The following ZNF618 variants were observed in gnomAD, a reference collection of about 807,000 sequenced individuals.
The protein encoded by ZNF618 is zinc finger protein 618.
Under a neutral mutation model 103.0 loss-of-function variants are expected in ZNF618, and 34 were observed. The observed-to-expected ratio is 0.33, with a 90% CI of 0.25 to 0.44. The LOEUF is 0.44. ZNF618 is among the 20% of genes least tolerant of loss of function. The probability of loss-of-function intolerance (pLI) is 1.00; values close to 1 mark genes in which losing one functional copy is unlikely to be tolerated. For synonymous variants in ZNF618, 551 were observed against 542.2 expected (o/e 1.02, Z -0.23); for missense variants, 1,059 against 1,295.4 (o/e 0.82, Z 2.80).
chr9:114,003,863 T>C (rs898545110), intron 6 of ZNF618, among the ~76,000 whole-genome samples: 1 of 152,176 alleles, frequency 6.6e-6, no homozygotes, highest in African/African-American at 2.4e-5. Context: ...TTTTAGACTT[T>C]ATAGCCCAGA....
chr9:113,940,540 A>G (rs928883130), intron 1 of ZNF618, among the ~76,000 whole-genome samples: 5 of 147,316 alleles, frequency 3.4e-5, no homozygotes, highest in South Asian at 4.3e-4. Context: ...GTTCATGACT[A>G]TATATCTTTT....
chr9:113,963,941 A>G (rs1474119544), intron 1 of ZNF618, among the ~76,000 whole-genome samples: 1 of 152,212 alleles, frequency 6.6e-6, no homozygotes, highest in Non-Finnish European at 1.5e-5. Flanking sequence ...GCGTGTCAGC[A>G]GTGTTGGGAA....
At chr9:113,913,103 G>A (rs1049388229) in intron 1 of ZNF618, among the ~76,000 whole-genome samples, 11 of 152,038 alleles carry the variant, frequency 7.2e-5, no homozygotes, top group Non-Finnish European at 1.2e-4. Flanking sequence ...GAGCAGAGTG[G>A]ATTTCACCAG....
chr9:113,987,553 C>T (rs1839601778), intron 2 of ZNF618, among the ~76,000 whole-genome samples: 1 of 152,218 alleles, frequency 6.6e-6, no homozygotes, highest in African/African-American at 2.4e-5. Flanking sequence ...CGGGGAAGAG[C>T]CTGGACAAGA....
intron 1 of ZNF618, among the ~76,000 whole-genome samples, chr9:113,911,668 A>G (rs1273481414): frequency 6.6e-6 from 1 of 151,900 alleles, no homozygotes; most frequent in African/African-American, 2.4e-5. Context: ...GATGGATACA[A>G]ATTCTCTCCT....
intron 2 of ZNF618, among the ~76,000 whole-genome samples, chr9:113,970,262 T>A (rs1837831262): frequency 6.6e-6 from 1 of 152,122 alleles, no homozygotes; most frequent in Non-Finnish European, 1.5e-5. Flanking sequence ...GAGCAAGTGT[T>A]CCTTGGAACA....
chr9:113,949,819 G>A (rs1215461855), intron 1 of ZNF618, among the ~76,000 whole-genome samples: 1 of 152,216 alleles, frequency 6.6e-6, no homozygotes, highest in African/African-American at 2.4e-5. Context: ...GATTAATTAG[G>A]TCAGCATCTC....
At chr9:113,903,272 C>T (rs573298759) in intron 1 of ZNF618, among the ~76,000 whole-genome samples, 1 of 152,204 alleles carries the variant, frequency 6.6e-6, no homozygotes, top group Non-Finnish European at 1.5e-5. Context: ...TGGAAAAGAC[C>T]CCTTGACATT....
rs2134731897 is a variant in ZNF618, at chr9:114,051,096, T to G, written c.*929T>G. On this transcript the variant is annotated 3_prime_UTR_variant, in exon 15 of 15. Coordinates refer to ENST00000374126, the MANE Select transcript of ZNF618 (RefSeq NM_001318042.2). ...TAGCAATTTTTACCTTGTTTGGGGGTTCATTTTGTTTCTTCAGATTTGATT... is the reference window on the plus strand; with the variant it reads ...TAGCAATTTTTACCTTGTTTGGGGGGTCATTTTGTTTCTTCAGATTTGATT... The G allele has an allele frequency of 6.5e-6, 1 of 152,696 alleles. No individual in the cohort carries two copies. Among genetic ancestry groups the G allele is most frequent in the Non-Finnish European group, 1.5e-5 (1 of 68,006 alleles). 9.5% of individuals were successfully genotyped at this position (152,696 alleles called of 1,614,324 possible).
intron 1 of ZNF618, among the ~76,000 whole-genome samples, chr9:113,883,509 G>A (rs1453193277): frequency 6.6e-6 from 1 of 152,134 alleles, no homozygotes; most frequent in Non-Finnish European, 1.5e-5. Context: ...GAATATCCAG[G>A]CACACGGGCT....
At chr9:113,991,449 C>A (rs994224276) in intron 3 of ZNF618, among the ~76,000 whole-genome samples, 5 of 152,326 alleles carry the variant, frequency 3.3e-5, no homozygotes, top group South Asian at 2.1e-4. Context: ...TCAGTTCTTA[C>A]AATTATGAAA....
chr9:113,935,170 GC>G (rs1019971324), intron 1 of ZNF618, among the ~76,000 whole-genome samples: 18 of 152,312 alleles, frequency 1.2e-4, no homozygotes, highest in African/African-American at 3.8e-4. Flanking sequence ...CTGCTTTATG[GC>G]CCAGGCCCTA....
At chr9:113,986,293 T>C (rs1368993038) in intron 2 of ZNF618, among the ~76,000 whole-genome samples, 1 of 152,254 alleles carries the variant, frequency 6.6e-6, no homozygotes, top group African/African-American at 2.4e-5. Flanking sequence ...GTTGGCGCGA[T>C]AGCCCTTGCT....
chr9:114,015,691 A>C (rs545261015), intron 9 of ZNF618, among the ~76,000 whole-genome samples: 1 of 152,360 alleles, frequency 6.6e-6, no homozygotes, highest in South Asian at 2.1e-4. Flanking sequence ...TTCTATAAAA[A>C]CATGAGTCAC....
chr9:114,033,052 A>G (rs1373096821), intron 12 of ZNF618, among the ~76,000 whole-genome samples: 2 of 152,160 alleles, frequency 1.3e-5, no homozygotes, highest in Non-Finnish European at 2.9e-5. Context: ...AGCCACTGCT[A>G]TGTTTTTAGG....
At chr9:113,970,162 G>C (rs1837812262) in intron 2 of ZNF618, among the ~76,000 whole-genome samples, 1 of 152,158 alleles carries the variant, frequency 6.6e-6, no homozygotes. Flanking sequence ...GTGTGTGCTT[G>C]AGAAGAGAGA....
intron 1 of ZNF618, among the ~76,000 whole-genome samples, chr9:113,877,376 G>A: frequency 6.6e-6 from 1 of 152,126 alleles, no homozygotes; most frequent in East Asian, 1.9e-4. Flanking sequence ...GTACTTCATT[G>A]TAATTTGGAA....
Position 114,035,250 on chromosome 9 carries a change from C to T in ZNF618, c.1169-1050C>T, listed in dbSNP as rs1359161820. On this transcript the variant is annotated intron_variant, in intron 12 of 14. Transcript: ENST00000374126. ...TCTCCTACAGAGTAAGTGATGGTCC[C>T]GTTGGGGGGCTGGAGAGGGCAAGGC... 4.7e-5 allele frequency: 46 copies of T among 985,906 alleles called. No homozygotes were observed. The East Asian group carries it at 7.9e-4, about 17-fold the overall frequency. The allele number at this position is 985,906 out of a possible 1,614,324, so 61.1% of individuals were successfully genotyped here.
At chr9:113,912,861 C>T (rs1831680768) in intron 1 of ZNF618, among the ~76,000 whole-genome samples, 1 of 152,162 alleles carries the variant, frequency 6.6e-6, no homozygotes, top group Non-Finnish European at 1.5e-5. Context: ...GCTTTAACAT[C>T]CCTTTAGCAA....
Sources: allele counts gnomAD v4.1 joint callset (sites outside exome capture counted in the v4.1 genomes callset), GRCh38; gene constraint gnomAD v4.1.1; transcripts MANE v1.5; gene names NCBI Gene and HGNC (gene_info 2026-07-23, HGNC 2026-07-21).